The following CDC42BPB variants were observed in gnomAD, a reference collection of about 807,000 sequenced individuals.
CDC42BPB encodes serine/threonine-protein kinase MRCK beta.
In CDC42BPB, 37 loss-of-function variants were observed where a neutral mutation model predicts 214.9. The observed-to-expected ratio is 0.17, with a 90% CI of 0.13 to 0.23. The LOEUF is 0.23. Ranked by LOEUF, CDC42BPB falls within the 10% of genes least tolerant of loss-of-function variation. The pLI is 1.00. For synonymous variants in CDC42BPB, 931 were observed against 884.0 expected, an observed-to-expected ratio of 1.05 and a Z score of -0.94; for missense variants, 1,694 against 2,227.0, an observed-to-expected ratio of 0.76 and a Z score of 4.82.
Position 102,978,057 on chromosome 14 carries a change from CTG to C in CDC42BPB, c.1220+67_1220+68del, listed in dbSNP as rs1033852406. 2.5e-4 allele frequency: 301 copies of C among 1,219,922 alleles called. 1 individual carries two copies. The highest frequency in any genetic ancestry group is 3.8e-4 in the Middle Eastern group (2 of 5,332). The allele number at this position is 1,219,922 out of a possible 1,614,324, so 75.6% of individuals were successfully genotyped here. Reference sequence around the variant, plus strand: ...CCACTAGCCCGCCCCCAGGGACAGACTGTGGTGTCTGACTGTTCATCTACCAC... The same window carrying C: ...CCACTAGCCCGCCCCCAGGGACAGACTGGTGTCTGACTGTTCATCTACCAC... On this transcript the variant is annotated intron_variant, in intron 9 of 36. Coordinates refer to ENST00000361246, the MANE Select transcript of CDC42BPB (RefSeq NM_006035.4).
At chr14:102,938,915 C>T (rs1402161456) in intron 34 of CDC42BPB, among the ~76,000 whole-genome samples, 1 of 151,024 alleles carries the variant, frequency 6.6e-6, no homozygotes, top group Non-Finnish European at 1.5e-5. Flanking sequence ...AGGCATGAGC[C>T]ACCACACCCA....
At chr14:102,978,271 AT>A in intron 8 of CDC42BPB, 66 bp from the exon 9 acceptor site, 1 of 1,601,448 alleles carries the variant, frequency 6.2e-7, no homozygotes, top group Non-Finnish European at 8.5e-7. Context: ...AAGAGGAAAG[AT>A]GGTTACAGTC....
intron 1 of CDC42BPB, among the ~76,000 whole-genome samples, chr14:103,039,842 G>C (rs1402143405): frequency 6.6e-6 from 1 of 152,094 alleles, no homozygotes; most frequent in Non-Finnish European, 1.5e-5. Context: ...TACTCACAGA[G>C]ATAATTTTAT....
intron 1 of CDC42BPB, among the ~76,000 whole-genome samples, chr14:103,052,015 T>C (rs1334237075): frequency 6.6e-6 from 1 of 152,182 alleles, no homozygotes; most frequent in African/African-American, 2.4e-5. Flanking sequence ...CTAATTTTTG[T>C]ATTTTTAGTA....
chr14:102,939,526 G>T, intron 34 of CDC42BPB, 84 bp downstream of exon 34: 3 of 982,302 alleles, frequency 3.1e-6, no homozygotes, highest in Non-Finnish European at 4.9e-6. Context: ...CACTGCCTTT[G>T]GGACAGTCTC....
In CDC42BPB at chr14:102,968,342, C is replaced by G; in HGVS notation, c.2257G>C (p.Glu753Gln). The change falls in exon 16 of 37, where the codon GAG becomes CAG. Residue 753 changes from glutamate (E) to glutamine (Q), a missense_variant. Physicochemically the swap from Glu to Gln is conservative, Grantham distance 29. Transcript: ENST00000361246. ...TTATCTTTTATTGTACCTACTGCCT[C>G]CTCCATCTCGTTATGCCTGCCAAGG... Reference protein sequence around the residue: ...SKRERHNEMEEAVGTIKDKYE... With the variant: ...SKRERHNEMEQAVGTIKDKYE... The G allele has an allele frequency of 6.2e-7, 1 of 1,614,066 alleles. No homozygotes were observed. Among genetic ancestry groups the G allele is most frequent in the Non-Finnish European group, 8.5e-7 (1 of 1,179,988 alleles).
At position 102,949,904 on chromosome 14, in the gene CDC42BPB, C is replaced by T. The variant is rs571661306; in HGVS notation, c.3310G>A (p.Val1104Ile). ...TTCTTCACCCCCGTGGGCTTTGGGA[C>T]CTATGAATAAAAACAAACAGTGGCC... ...IGTAYKGHVK[V>I]PKPTGVKKGW... is the part of the protein sequence containing the mutation. The change falls in exon 26 of 37, where the codon GTC (valine) becomes ATC (isoleucine). Residue 1104 changes from valine to isoleucine, a missense_variant and splice_region_variant. Around this residue, in one of 7 missense-constraint regions of CDC42BPB, gnomAD observed 567 missense variants for 790.3 expected, o/e 0.72. Coordinates refer to ENST00000361246, the MANE Select transcript of CDC42BPB (RefSeq NM_006035.4). The T allele has an allele frequency of 1.2e-6, 2 of 1,613,150 alleles. No homozygotes were observed. Among genetic ancestry groups the T allele is most frequent in the Middle Eastern group, 1.7e-4 (1 of 6,052 alleles).
chr14:102,942,127 G>A (rs1891918996), intron 30 of CDC42BPB, among the ~76,000 whole-genome samples: 2 of 152,196 alleles, frequency 1.3e-5, no homozygotes, highest in African/African-American at 2.4e-5. Flanking sequence ...CTATGAAGAG[G>A]ACAGGGTGTT....
At chr14:103,039,438 T>A (rs1887859213) in intron 1 of CDC42BPB, among the ~76,000 whole-genome samples, 1 of 152,096 alleles carries the variant, frequency 6.6e-6, no homozygotes, top group Non-Finnish European at 1.5e-5. Flanking sequence ...CATGATCAAG[T>A]GGGATTCATC....
intron 26 of CDC42BPB, 99 bp downstream of exon 26, chr14:102,949,666 C>G (rs1892391436): frequency 2.7e-6 from 4 of 1,468,582 alleles, no homozygotes; most frequent in Non-Finnish European, 3.8e-6. Context: ...AGGTGAAGTA[C>G]TAATGAGGTG....
rs750792876 is a variant in CDC42BPB, at chr14:102,946,649, G to T, written c.3567C>A (p.Thr1189=). 1.2e-6 allele frequency: 2 copies of T among 1,612,750 alleles called. No homozygotes were observed. The highest frequency in any genetic ancestry group is 2.2e-5 in the South Asian group (2 of 91,082). The change falls in exon 28 of 37, where the codon ACC becomes ACA. Residue 1189 remains threonine, a synonymous_variant. Transcript: ENST00000361246. ...TTTCTGTCAGAATGAGCAGCGAGCT[G>T]GTCTTAGAAGGTGCACCTAAGAGAG... The part of the protein sequence containing the change: ...TASLLGAPSK[T]SSLLILTENE...
At chr14:103,003,865 G>T in intron 4 of CDC42BPB, 63 bp downstream of exon 4, 2 of 1,325,498 alleles carry the variant, frequency 1.5e-6, no homozygotes, top group Non-Finnish European at 1.1e-6. Context: ...AATTTTTAGT[G>T]ACAGCATAAA....
chr14:102,996,877 T>G (rs569568901), intron 5 of CDC42BPB, among the ~76,000 whole-genome samples: 3 of 151,714 alleles, frequency 2.0e-5, no homozygotes, highest in African/African-American at 7.3e-5. Flanking sequence ...AAGAAATGTA[T>G]TTTTTAAAAA....
chr14:103,035,515 T>A (rs901256483), intron 1 of CDC42BPB, among the ~76,000 whole-genome samples: 1 of 151,758 alleles, frequency 6.6e-6, no homozygotes, highest in African/African-American at 2.4e-5. Context: ...CTGGGCAACA[T>A]AGTAAGACTT....
At position 102,964,260 on chromosome 14, in the gene CDC42BPB, G is replaced by A. The variant is rs531730693; in HGVS notation, c.2726+242C>T. ...ACCCGCTGCCGTCAAAACACGGCTC[G>A]CACCGCACCACACCCCCCCGCGGCA... On this transcript the variant is annotated intron_variant, in intron 19 of 36. Transcript: ENST00000361246. Among the ~76,000 whole-genome samples the A allele has an allele frequency of 3.6e-3, 553 of 152,244 alleles. 14 individuals are homozygous for A. The highest frequency in any genetic ancestry group is 8.7e-4 in the Non-Finnish European group (59 of 68,014).
At position 102,937,994 on chromosome 14, in the gene CDC42BPB, G is replaced by A. The variant is rs1891716015; in HGVS notation, c.5004+110C>T. 5.3e-6 allele frequency: 6 copies of A among 1,128,538 alleles called. No homozygotes were observed. In the South Asian group the frequency reaches 7.4e-5, roughly 14 times the overall value. 69.9% of individuals were successfully genotyped at this position (1,128,538 alleles called of 1,614,324 possible). ...CCCCCGTCACCCTCACACCGCAAGT[G>A]GGGTGCTCCAAAAGGGCTGTGACAC... On this transcript the variant is annotated intron_variant, in intron 36 of 36. Coordinates refer to ENST00000361246, the MANE Select transcript of CDC42BPB (RefSeq NM_006035.4).
intron 4 of CDC42BPB, among the ~76,000 whole-genome samples, chr14:103,002,820 C>T (rs1480074134): frequency 6.6e-6 from 1 of 152,178 alleles, no homozygotes; most frequent in East Asian, 1.9e-4. Flanking sequence ...GGGCCTGAAA[C>T]ATCCTAAGTG....
At chr14:103,040,343 A>C (rs1356999187) in intron 1 of CDC42BPB, among the ~76,000 whole-genome samples, 1 of 152,140 alleles carries the variant, frequency 6.6e-6, no homozygotes, top group Non-Finnish European at 1.5e-5. Context: ...CGACAGAGCA[A>C]GACTCCGTCT....
At chr14:102,941,686 A>G in intron 30 of CDC42BPB, 1 of 366,324 alleles carries the variant, frequency 2.7e-6, no homozygotes, top group Non-Finnish European at 3.8e-6. Flanking sequence ...TTCTAGTGAA[A>G]CAGATTCTAG....
Sources: allele counts gnomAD v4.1 joint callset (sites outside exome capture counted in the v4.1 genomes callset), GRCh38; gene constraint gnomAD v4.1.1; regional missense constraint gnomAD v4.1.1; transcripts MANE v1.5; gene names NCBI Gene and HGNC (gene_info 2026-07-23, HGNC 2026-07-21).